ANAPC2: variants seen among roughly 807,000 people sequenced by gnomAD.
The protein encoded by ANAPC2 is anaphase-promoting complex subunit 2.
In ANAPC2, 29 loss-of-function variants were observed where a neutral mutation model predicts 84.3. The ratio of observed to expected loss-of-function variants is 0.34; its 90% CI spans 0.26 to 0.47. The LOEUF is 0.47. Ranked by LOEUF, ANAPC2 falls within the 20% of genes least tolerant of loss-of-function variation. The pLI is 1.00. For synonymous variants in ANAPC2, 571 were observed against 479.4 expected (o/e 1.19, Z -2.50); for missense variants, 857 against 1,131.7 (o/e 0.76, Z 3.48).
intron 10 of ANAPC2, among the ~76,000 whole-genome samples, chr9:137,178,260 G>C (rs1834265929): frequency 6.6e-6 from 1 of 150,660 alleles, no homozygotes; most frequent in Admixed American, 6.6e-5. Context: ...AAGGGCTCAG[G>C]GGTGACGCTG....
intron 10 of ANAPC2, chr9:137,176,112 A>G (rs1235836666): frequency 5.2e-6 from 2 of 385,468 alleles, no homozygotes; most frequent in African/African-American, 4.1e-5. Flanking sequence ...CATATTTGCA[A>G]ACAGGGTTGA....
At position 137,187,583 on chromosome 9, in the gene ANAPC2, T is replaced by C. The variant is rs767170719; in HGVS notation, c.638A>G (p.Tyr213Cys). Residue 213 changes from tyrosine (Y) to cysteine (C), a missense_variant, in exon 2 of 13, where the codon TAC becomes TGC. Around this residue, in one of 3 missense-constraint regions of ANAPC2, gnomAD observed 428 missense variants for 513.8 expected, o/e 0.83. Coordinates refer to ENST00000323927, the MANE Select transcript of ANAPC2 (RefSeq NM_013366.4). Reference sequence around the variant, plus strand: ...ACACAGCGGGCTCTGCAGGAGCCGGTAGTACCGGCGACGGGCATACCGGCT... The same window carrying C: ...ACACAGCGGGCTCTGCAGGAGCCGGCAGTACCGGCGACGGGCATACCGGCT... The part of the protein sequence containing the change: ...LDSRYARRRY[Y>C]RLLQSPLCAG... 1.9e-6 allele frequency: 3 copies of C among 1,613,834 alleles called. No homozygotes were observed. The highest frequency in any genetic ancestry group is 1.7e-5 in the Admixed American group (1 of 60,004).
In ANAPC2 at chr9:137,175,042, A is replaced by G. The variant is rs750450958; in HGVS notation, c.2369T>C (p.Ile790Thr). Residue 790 changes from isoleucine (I) to threonine (T), a missense_variant, in exon 13 of 13, where the codon ATT becomes ACT. Ile to Thr is a moderately conservative substitution (Grantham distance 89). Around this residue, in one of 3 missense-constraint regions of ANAPC2, gnomAD observed 425 missense variants for 595.5 expected, o/e 0.71. Transcript: ENST00000323927. ...GTAGCCCTGCAGCTCCTGCAGGTCA[A>G]TCTCGGCCAGTGCAGGCCCAGTCAC... ...FVVTGPALAEIDLQELQGYLQ... is the reference protein window; with the variant it reads ...FVVTGPALAETDLQELQGYLQ... 1.9e-6 allele frequency: 3 copies of G among 1,605,600 alleles called. No individual in the cohort carries two copies. The highest frequency in any genetic ancestry group is 2.5e-6 in the Non-Finnish European group (3 of 1,176,950).
chr9:137,177,649 G>A (rs1194038045), intron 10 of ANAPC2, among the ~76,000 whole-genome samples: 1 of 152,162 alleles, frequency 6.6e-6, no homozygotes, highest in African/African-American at 2.4e-5. Flanking sequence ...GCACGTGGGA[G>A]GGGCCCACCA....
rs995318764 is a variant in ANAPC2, at chr9:137,175,636, C to T, written c.2020+72G>A. On this transcript the variant is annotated intron_variant, in intron 11 of 12. Coordinates refer to ENST00000323927, the MANE Select transcript of ANAPC2 (RefSeq NM_013366.4). ...GCAGCTGCCCCAAACCACACCCTCA[C>T]TGGGGAACAGCCCCTCACCCACAGC... 4 of 1,548,828 alleles carry T rather than the reference C, an allele frequency of 2.6e-6. No homozygotes were observed. In the South Asian group the frequency reaches 3.7e-5, roughly 14 times the overall value.
At chr9:137,182,953 C>T (rs1445409783) in intron 6 of ANAPC2, among the ~76,000 whole-genome samples, 172 bp downstream of exon 6, 4 of 152,216 alleles carry the variant, frequency 2.6e-5, no homozygotes, top group Admixed American at 6.5e-5. Flanking sequence ...GTGCCCGGCA[C>T]GGGCAAGAGG....
rs376664418 is a variant in ANAPC2 at position 137,187,964 on chromosome 9, T to G, written c.257A>C (p.Asn86Thr). Residue 86 changes from asparagine (N) to threonine (T), a missense_variant, in exon 2 of 13, where the codon AAC (asparagine) becomes ACC (threonine). Physicochemically the swap from Asn to Thr is moderately conservative, Grantham distance 65. Transcript: ENST00000323927. ...GGCATTCCAGAACTCAGGGGAGATG[T>G]TGGCCTGCAGATCGTTCTGCAGCAC... is the stretch of plus-strand genomic sequence containing the variant. ...VEVLQNDLQA[N>T]ISPEFWNAIS... 6.2e-7 allele frequency: 1 copy of G among 1,613,896 alleles called. No homozygotes were observed. The highest frequency in any genetic ancestry group is 1.7e-5 in the Admixed American group (1 of 60,024).
rs570763235 is a variant in ANAPC2 at position 137,184,787 on chromosome 9, C to T, written c.1048+126G>A. On this transcript the variant is annotated intron_variant, in intron 4 of 12. Coordinates refer to ENST00000323927, the MANE Select transcript of ANAPC2 (RefSeq NM_013366.4). ...CGGCAAAGGCCCTGGGAGCCCCAGA[C>T]GCAGACACAGAGCAGACACGGTGAA... 71 of 1,247,216 alleles carry T rather than the reference C, an allele frequency of 5.7e-5. No individual in the cohort carries two copies. In the East Asian group the frequency reaches 1.5e-3, roughly 27 times the overall value. 77.3% of individuals were successfully genotyped at this position (1,247,216 alleles called of 1,614,324 possible). A position where few individuals can be genotyped will look rare whatever the true frequency, so the allele number is the denominator to read the frequency against.
At chr9:137,183,263 A>G in intron 5 of ANAPC2, 21 bp from the exon 6 acceptor site, 1 of 1,599,270 alleles carries the variant, frequency 6.3e-7, no homozygotes, top group Non-Finnish European at 8.6e-7. Context: ...GGCAGAAGCC[A>G]GCAGTCATGC....
At chr9:137,183,885 G>A in intron 4 of ANAPC2, 94 bp from the exon 5 acceptor site, 2 of 1,526,260 alleles carry the variant, frequency 1.3e-6, no homozygotes, top group East Asian at 2.3e-5. Flanking sequence ...AAGGACACGT[G>A]CTTGCCAGCC....
At chr9:137,185,213 C>CAGACGCAGG in intron 3 of ANAPC2, 126 bp from the exon 4 acceptor site, 1 of 1,025,642 alleles carries the variant, frequency 9.7e-7, no homozygotes, top group Non-Finnish European at 1.4e-6. Flanking sequence ...CGAAGGCCAC[C>CAGACGCAGG]TGCGTCTGGA....
intron 10 of ANAPC2, among the ~76,000 whole-genome samples, chr9:137,179,788 T>G (rs1175055558): frequency 6.6e-6 from 1 of 152,202 alleles, no homozygotes; most frequent in African/African-American, 2.4e-5. Flanking sequence ...GCTCCCTAGC[T>G]GCCTCCCTGC....
At chr9:137,182,757 G>A (rs1349182669) in intron 6 of ANAPC2, among the ~76,000 whole-genome samples, 1 of 152,184 alleles carries the variant, frequency 6.6e-6, no homozygotes, top group African/African-American at 2.4e-5. Flanking sequence ...TCCTTGCCGT[G>A]GGAAAGGCCA....
At chr9:137,181,949 G>A in intron 6 of ANAPC2, 87 bp from the exon 7 acceptor site, 1 of 1,439,950 alleles carries the variant, frequency 6.9e-7, no homozygotes, top group Non-Finnish European at 9.3e-7. Context: ...CCCCATCTAG[G>A]CCAGCACCAC....
At chr9:137,175,687 G>A in intron 11 of ANAPC2, 21 bp downstream of exon 11, 2 of 1,603,922 alleles carry the variant, frequency 1.2e-6, no homozygotes, top group Non-Finnish European at 1.7e-6. Context: ...GGGCAGGCCA[G>A]CTAGGGGCTG....
At position 137,181,760 on chromosome 9, in the gene ANAPC2, G is replaced by T; in HGVS notation, c.1389C>A (p.Ser463Arg). The T allele has an allele frequency of 6.2e-7, 1 of 1,611,496 alleles. No individual in the cohort carries two copies. The change falls in exon 7 of 13, where the codon AGC becomes AGA. Residue 463 changes from serine (S) to arginine (R), a missense_variant. Coordinates refer to ENST00000323927, the MANE Select transcript of ANAPC2 (RefSeq NM_013366.4). ...CCTCACTGTCCTGGCCTGTCTCCAG[G>T]CTCGCCGGGTCGGTCTTGGACAGCT... ...AVELSKTDPA[S>R]LETGQDSEDD...
chr9:137,181,634 G>A (rs757162417), intron 7 of ANAPC2, 47 bp downstream of exon 7: 2 of 1,520,828 alleles, frequency 1.3e-6, no homozygotes, highest in Admixed American at 2.0e-5. Flanking sequence ...CGGCCTGGCT[G>A]AAGCGCCCCC....
chr9:137,185,149 G>A (rs1834435270), intron 3 of ANAPC2, 62 bp from the exon 4 acceptor site: 2 of 1,434,482 alleles, frequency 1.4e-6, no homozygotes, highest in East Asian at 2.8e-5. Flanking sequence ...CTGACTCAGA[G>A]GCTGGGAGGA....
In ANAPC2 at chr9:137,180,728, A is replaced by G. The variant is rs1799142663; in HGVS notation, c.1610+60T>C. 7 of 1,590,020 alleles carry G rather than the reference A, an allele frequency of 4.4e-6. No individual in the cohort carries two copies. The Admixed American group carries it at 1.2e-4, about 27-fold the overall frequency. On this transcript the variant is annotated intron_variant, in intron 8 of 12. Coordinates refer to ENST00000323927, the MANE Select transcript of ANAPC2 (RefSeq NM_013366.4). Reference sequence around the variant, plus strand: ...GGCACGGCGTCAGGGCCCTGTCCCGAGAGAGGCTGGGCAAAGGCCCCGGCA... The same window carrying G: ...GGCACGGCGTCAGGGCCCTGTCCCGGGAGAGGCTGGGCAAAGGCCCCGGCA...
Sources: gnomAD v4.1 joint callset for allele counts (sites outside exome capture counted in the v4.1 genomes callset) on GRCh38, gnomAD v4.1.1 for gene constraint, gnomAD v4.1.1 regional missense constraint, MANE v1.5 for transcripts, NCBI Gene and HGNC (gene_info 2026-07-23, HGNC 2026-07-21) for gene names.